Variants in C12orf42 observed in about 807,000 individuals in gnomAD.
C12orf42 encodes uncharacterized protein C12orf42.
C12orf42 carries 25 observed loss-of-function variants against 21.6 expected under a neutral mutation model. The ratio of observed to expected loss-of-function variants is 1.16; its 90% CI spans 0.84 to 1.62. The LOEUF (loss-of-function observed/expected upper bound fraction) is 1.62, where lower values mean the gene tolerates loss of function less well. Ranked by LOEUF, C12orf42 falls within the 40% of genes most tolerant of loss-of-function variation. The pLI, the probability that C12orf42 is intolerant of heterozygous loss-of-function variation, is 0.00. For missense variants in C12orf42, 483 were observed against 459.3 expected (o/e 1.05, Z -0.47); for synonymous variants, 174 against 175.0 (o/e 0.99, Z 0.05).
In C12orf42 at chr12:103,314,132, G is replaced by C. The variant is rs2039232583; in HGVS notation, c.260-7787C>G. Among the ~76,000 whole-genome samples the C allele has an allele frequency of 3.9e-5, 6 of 152,160 alleles. No individual in the cohort carries two copies. The South Asian group carries it at 1.2e-3, about 32-fold the overall frequency. On this transcript the variant is annotated intron_variant, in intron 4 of 5. Transcript: ENST00000548883. Reference sequence around the variant, plus strand: ...AAAAAGAGTATCCCAGCCTGACAAAGACAGATGTGTTTTCAGAACTGAGAG... The same window carrying C: ...AAAAAGAGTATCCCAGCCTGACAAACACAGATGTGTTTTCAGAACTGAGAG...
intron 4 of C12orf42, among the ~76,000 whole-genome samples, chr12:103,286,961 C>G (rs547809521): frequency 1.3e-5 from 2 of 149,528 alleles, no homozygotes; most frequent in Non-Finnish European, 3.0e-5. Flanking sequence ...AAATGCTCAT[C>G]ATCACTGGCC....
the C12orf42 span, among the ~76,000 whole-genome samples, chr12:103,506,418 T>C: frequency 2.0e-5 from 3 of 151,858 alleles, no homozygotes; most frequent in South Asian, 6.2e-4. Flanking sequence ...AGTGATGTTT[T>C]GGTCAATATC....
chr12:103,173,558 A>C, the C12orf42 span, among the ~76,000 whole-genome samples: 1 of 152,104 alleles, frequency 6.6e-6, no homozygotes, highest in African/African-American at 2.4e-5. Flanking sequence ...TAACAAGACA[A>C]CTTTTGTCTT....
At chr12:103,275,344 A>T (rs1398205942) in intron 5 of C12orf42, among the ~76,000 whole-genome samples, 1 of 152,194 alleles carries the variant, frequency 6.6e-6, no homozygotes, top group Admixed American at 6.5e-5. Flanking sequence ...TTTGAAACCT[A>T]TATTAAACAC....
chr12:103,210,165 C>T, the C12orf42 span, among the ~76,000 whole-genome samples: 1 of 152,032 alleles, frequency 6.6e-6, no homozygotes. Context: ...CTATTTTCCT[C>T]TCACATTATT....
chr12:103,402,168 G>A (rs746943949), intron 2 of C12orf42, among the ~76,000 whole-genome samples: 4 of 152,176 alleles, frequency 2.6e-5, no homozygotes, highest in Non-Finnish European at 4.4e-5. Flanking sequence ...CTTATTTGGA[G>A]TTGCTTGGCA....
chr12:103,479,254 A>G (rs1038293627), intron 1 of C12orf42, among the ~76,000 whole-genome samples: 1 of 152,132 alleles, frequency 6.6e-6, no homozygotes, highest in African/African-American at 2.4e-5. Context: ...ATTCTTCCTT[A>G]TATCAATTTT....
chr12:103,332,894 G>T (rs1320973328), intron 4 of C12orf42, among the ~76,000 whole-genome samples: 2 of 152,192 alleles, frequency 1.3e-5, no homozygotes, highest in Non-Finnish European at 2.9e-5. Flanking sequence ...GGATTAGCAG[G>T]TCTGCCCCTC....
intron 1 of C12orf42, among the ~76,000 whole-genome samples, chr12:103,492,097 C>T (rs1419181771): frequency 6.6e-6 from 1 of 152,290 alleles, no homozygotes; most frequent in Admixed American, 6.5e-5. Context: ...GCCGGGATTA[C>T]AGGCGTGCGC....
At chr12:103,079,442 G>A in the C12orf42 span, among the ~76,000 whole-genome samples, 1 of 152,222 alleles carries the variant, frequency 6.6e-6, no homozygotes, top group Non-Finnish European at 1.5e-5. Flanking sequence ...AATAATGTAA[G>A]AGAAGCTAAA....
intron 2 of C12orf42, among the ~76,000 whole-genome samples, chr12:103,466,731 TG>T (rs1953166846): frequency 6.6e-6 from 1 of 152,206 alleles, no homozygotes; most frequent in African/African-American, 2.4e-5. Context: ...CATATAACGT[TG>T]TGGCAACTCC....
chr12:103,554,234 C>T, the C12orf42 span, among the ~76,000 whole-genome samples: 2 of 152,006 alleles, frequency 1.3e-5, no homozygotes, highest in African/African-American at 4.8e-5. Context: ...GCTTTTCCTA[C>T]CCCAGATATA....
At chr12:103,558,182 C>T in the C12orf42 span, 1 of 152,150 alleles carries the variant, frequency 6.6e-6, no homozygotes, top group South Asian at 2.1e-4. Context: ...CCTGACTGGC[C>T]CATCCCCGAT....
At chr12:103,549,816 T>C in the C12orf42 span, among the ~76,000 whole-genome samples, 59 of 152,288 alleles carry the variant, frequency 3.9e-4, no homozygotes, top group African/African-American at 1.3e-3. Context: ...TTACAGACTC[T>C]TGGAGTTGTC....
chr12:103,132,149 A>G, the C12orf42 span, among the ~76,000 whole-genome samples: 2 of 152,218 alleles, frequency 1.3e-5, no homozygotes, highest in African/African-American at 2.4e-5. Context: ...CAAGATGGCC[A>G]GCTAGAGGCA....
At chr12:103,163,694 G>A in the C12orf42 span, among the ~76,000 whole-genome samples, 2 of 152,158 alleles carry the variant, frequency 1.3e-5, no homozygotes, top group Admixed American at 1.3e-4. Context: ...TGGAAAGTCA[G>A]TTATCAAGTA....
chr12:103,382,642 A>T (rs1048958885), intron 3 of C12orf42, among the ~76,000 whole-genome samples: 1 of 152,220 alleles, frequency 6.6e-6, no homozygotes, highest in Non-Finnish European at 1.5e-5. Flanking sequence ...TGAAATAAAG[A>T]GCACGGTGCC....
intron 1 of C12orf42, among the ~76,000 whole-genome samples, chr12:103,481,634 A>G (rs1487066064): frequency 7.4e-6 from 1 of 136,004 alleles, no homozygotes; most frequent in Non-Finnish European, 1.6e-5. Flanking sequence ...GTTTTCTAAA[A>G]TCAACATAAA....
At chr12:103,485,211 C>G (rs1011256004) in intron 1 of C12orf42, among the ~76,000 whole-genome samples, 2 of 152,056 alleles carry the variant, frequency 1.3e-5, no homozygotes, top group African/African-American at 4.8e-5. Context: ...TTTCCCAGCA[C>G]CATTTATTAA....
Sources: gnomAD v4.1 joint callset for allele counts (sites outside exome capture counted in the v4.1 genomes callset) on GRCh38, gnomAD v4.1.1 for gene constraint, MANE v1.5 for transcripts, NCBI Gene and HGNC (gene_info 2026-07-23, HGNC 2026-07-21) for gene names.